The following NECAB1 variants were observed in gnomAD, a reference collection of about 807,000 sequenced individuals.
The protein encoded by NECAB1 is N-terminal EF-hand calcium-binding protein 1.
A neutral mutation model predicts 57.5 loss-of-function variants in NECAB1; 29 were observed. That is an observed-to-expected ratio of 0.50 (90% CI 0.38 to 0.69). NECAB1 has a LOEUF of 0.69. Ranked by LOEUF, NECAB1 falls within the 30% of genes least tolerant of loss-of-function variation. NECAB1 has a pLI of 0.00. For missense variants in NECAB1, 372 were observed against 413.8 expected (o/e 0.90, Z 0.88); for synonymous variants, 142 against 147.7 (o/e 0.96, Z 0.28).
chr8:90,946,355 T>C (rs929437597), intron 10 of NECAB1, among the ~76,000 whole-genome samples: 14 of 152,246 alleles, frequency 9.2e-5, no homozygotes, highest in Admixed American at 6.5e-4. Context: ...GTTCAAAGTC[T>C]GGTTTACTCA....
chr8:90,862,085 G>C (rs1240935815), intron 3 of NECAB1, among the ~76,000 whole-genome samples: 1 of 152,078 alleles, frequency 6.6e-6, no homozygotes, highest in Non-Finnish European at 1.5e-5. Flanking sequence ...ATTCAATAGA[G>C]ATTCTATAAA....
chr8:90,951,752 A>G (rs1810927220), intron 12 of NECAB1, among the ~76,000 whole-genome samples: 1 of 123,634 alleles, frequency 8.1e-6, no homozygotes, highest in African/African-American at 4.0e-5. Flanking sequence ...GTTTGCAAAG[A>G]CAAATTTTAG....
rs1057077732 is a variant in NECAB1 at position 90,956,816 on chromosome 8, T to C, written c.*1304T>C. ...TAAAATATTTTCTCAAACTAATTCA[T>C]GAAACAGCAACTTTTACCAATACCT... On this transcript the variant is annotated 3_prime_UTR_variant, in exon 13 of 13. Transcript: ENST00000417640. The C allele has an allele frequency of 3.9e-5, 6 of 152,448 alleles. No individual in the cohort carries two copies. The highest frequency in any genetic ancestry group is 2.4e-5 in the African/African-American group (1 of 41,426). 9.4% of individuals were successfully genotyped at this position (152,448 alleles called of 1,614,324 possible). A position where few individuals can be genotyped will look rare whatever the true frequency, so the allele number is the denominator to read the frequency against.
intron 3 of NECAB1, among the ~76,000 whole-genome samples, chr8:90,871,337 G>A (rs1312711895): frequency 2.0e-5 from 3 of 151,954 alleles, no homozygotes; most frequent in African/African-American, 7.3e-5. Flanking sequence ...TCTCCTTTAA[G>A]TTATGGTGTA....
intron 3 of NECAB1, among the ~76,000 whole-genome samples, chr8:90,840,439 C>T (rs2129742638): frequency 6.6e-6 from 1 of 152,324 alleles, no homozygotes; most frequent in South Asian, 2.1e-4. Flanking sequence ...TAAGGCAAGC[C>T]ACTCTGGCTC....
intron 6 of NECAB1, among the ~76,000 whole-genome samples, chr8:90,922,485 G>GATTTTTTTTTTTTTT (rs1810139740): frequency 1.5e-5 from 1 of 65,220 alleles, no homozygotes; most frequent in Non-Finnish European, 2.5e-5. Flanking sequence ...CAAAAACTTG[G>GATTTTTTTTTTTTTT]ATTTTTTTTT....
At position 90,956,748 on chromosome 8, in the gene NECAB1, G is replaced by T. The variant is rs1206790732; in HGVS notation, c.*1236G>T. 1 of 152,100 alleles carries T rather than the reference G, an allele frequency of 6.6e-6. No individual in the cohort carries two copies. The allele number at this position is 152,100 out of a possible 1,614,324, so 9.4% of individuals were successfully genotyped here. ...TTTGAAAAACTCAGGAAAAAAGGAA[G>T]ATTGAACTAATAAAATTTTATTTCT... On this transcript the variant is annotated 3_prime_UTR_variant, in exon 13 of 13. Coordinates refer to ENST00000417640, the MANE Select transcript of NECAB1 (RefSeq NM_022351.5).
intron 6 of NECAB1, among the ~76,000 whole-genome samples, chr8:90,919,312 A>G (rs1810050002): frequency 6.6e-6 from 1 of 152,122 alleles, no homozygotes; most frequent in African/African-American, 2.4e-5. Context: ...TTTACATCTT[A>G]AATTAGAGAG....
intron 4 of NECAB1, among the ~76,000 whole-genome samples, chr8:90,877,447 G>A (rs980300823): frequency 1.3e-5 from 2 of 151,980 alleles, no homozygotes; most frequent in African/African-American, 2.4e-5. Flanking sequence ...AGGGAACCTC[G>A]CCCTCAACCC....
chr8:90,899,382 C>T (rs1358049293), intron 5 of NECAB1, among the ~76,000 whole-genome samples: 1 of 152,212 alleles, frequency 6.6e-6, no homozygotes, highest in Non-Finnish European at 1.5e-5. Flanking sequence ...TAAAGATCCA[C>T]TTCTCTTACT....
At position 90,957,682 on chromosome 8, in the gene NECAB1, A is replaced by G. The variant is rs935276818; in HGVS notation, c.*2170A>G. On this transcript the variant is annotated 3_prime_UTR_variant, in exon 13 of 13. Transcript: ENST00000417640. ...AGGAAACTAGTAGGGCCAAAAAAAA[A>G]AAGAAAAAGAAAAAGAAAAAAGAAA... The G allele has an allele frequency of 1.3e-5, 2 of 150,392 alleles. No individual in the cohort carries two copies. Among genetic ancestry groups the G allele is most frequent in the African/African-American group, 4.9e-5 (2 of 41,140 alleles). The allele number at this position is 150,392 out of a possible 1,614,324, so 9.3% of individuals were successfully genotyped here.
At chr8:90,926,479 G>C (rs192964179) in intron 7 of NECAB1, among the ~76,000 whole-genome samples, 1 of 152,118 alleles carries the variant, frequency 6.6e-6, no homozygotes, top group African/African-American at 2.4e-5. Flanking sequence ...TAAGTGATTT[G>C]TCCAAGGTCA....
At chr8:90,830,928 G>T (rs1000892581) in intron 3 of NECAB1, among the ~76,000 whole-genome samples, 1 of 152,134 alleles carries the variant, frequency 6.6e-6, no homozygotes, top group Non-Finnish European at 1.5e-5. Flanking sequence ...AGAATTATTG[G>T]ATGTGAGTGA....
chr8:90,800,524 A>T (rs1403151258), intron 1 of NECAB1, among the ~76,000 whole-genome samples: 2 of 152,168 alleles, frequency 1.3e-5, no homozygotes, highest in East Asian at 3.8e-4. Context: ...CAGAGTTTTT[A>T]TCATGAAGGA....
intron 3 of NECAB1, among the ~76,000 whole-genome samples, chr8:90,849,711 T>G (rs1363323614): frequency 3.5e-5 from 5 of 140,968 alleles, no homozygotes; most frequent in Non-Finnish European, 7.6e-5. Context: ...TTTTTTTTTT[T>G]GGAATGGAGT....
chr8:90,843,375 G>A (rs1397507012), intron 3 of NECAB1, among the ~76,000 whole-genome samples: 7 of 152,258 alleles, frequency 4.6e-5, no homozygotes, highest in South Asian at 2.1e-4. Context: ...AGAGAGTTAC[G>A]AGTAAACATC....
chr8:90,925,785 G>C lies in NECAB1; in HGVS notation c.616+129G>C, dbSNP rs1041316950. 3.9e-6 allele frequency: 5 copies of C among 1,273,638 alleles called. No individual in the cohort carries two copies. In the African/African-American group the frequency reaches 7.4e-5, roughly 19 times the overall value. The allele number at this position is 1,273,638 out of a possible 1,614,324, so 78.9% of individuals were successfully genotyped here. Reference sequence around the variant, plus strand: ...CTTTCCTTATACCAAGTAAGTTTGAGACAGAAGCAGTGAAGAGTGTAGTAT... The same window carrying C: ...CTTTCCTTATACCAAGTAAGTTTGACACAGAAGCAGTGAAGAGTGTAGTAT... On this transcript the variant is annotated intron_variant, in intron 7 of 12. Coordinates refer to ENST00000417640, the MANE Select transcript of NECAB1 (RefSeq NM_022351.5).
intron 3 of NECAB1, among the ~76,000 whole-genome samples, chr8:90,835,401 G>A (rs1472063864): frequency 6.6e-6 from 1 of 152,044 alleles, no homozygotes; most frequent in Non-Finnish European, 1.5e-5. Context: ...CCAGGCTTGG[G>A]CTTATGTCCC....
chr8:90,930,879 C>A (rs1008514065), intron 8 of NECAB1, among the ~76,000 whole-genome samples: 2 of 152,174 alleles, frequency 1.3e-5, no homozygotes, highest in East Asian at 1.9e-4. Context: ...CATAAGGATT[C>A]ATTTGCTAAA....
Sources: allele counts gnomAD v4.1 joint callset (sites outside exome capture counted in the v4.1 genomes callset), GRCh38; gene constraint gnomAD v4.1.1; transcripts MANE v1.5; gene names NCBI Gene and HGNC (gene_info 2026-07-23, HGNC 2026-07-21).